Variants in EXOC6B observed in about 807,000 individuals in gnomAD.
EXOC6B encodes exocyst complex component 6B, also known as SEC15 homolog B.
EXOC6B carries 54 observed loss-of-function variants against 113.5 expected under a neutral mutation model. The ratio of observed to expected loss-of-function variants is 0.48; its 90% CI spans 0.38 to 0.60. The LOEUF is 0.60. Ranked by LOEUF, EXOC6B falls within the 20% of genes least tolerant of loss-of-function variation. EXOC6B has a pLI of 0.00. For synonymous variants in EXOC6B, 357 were observed against 339.0 expected (o/e 1.05, Z -0.58); for missense variants, 797 against 977.5 (o/e 0.82, Z 2.46).
At chr2:72,727,484 T>C (rs960288508) in intron 5 of EXOC6B, among the ~76,000 whole-genome samples, 1 of 152,172 alleles carries the variant, frequency 6.6e-6, no homozygotes, top group African/African-American at 2.4e-5. Context: ...CAACATGTGA[T>C]TTGAACTGGA....
intron 1 of EXOC6B, among the ~76,000 whole-genome samples, chr2:72,789,872 A>G (rs368547270): frequency 1.3e-5 from 2 of 152,200 alleles, no homozygotes; most frequent in Non-Finnish European, 2.9e-5. Flanking sequence ...GCAGGGGGGA[A>G]CTTGACACAC....
chr2:72,668,946 G>A (rs907861052), intron 6 of EXOC6B, among the ~76,000 whole-genome samples: 2 of 152,132 alleles, frequency 1.3e-5, no homozygotes, highest in Non-Finnish European at 2.9e-5. Context: ...AAATTGCTGG[G>A]TGTGGTGGCA....
chr2:72,192,633 A>G (rs1203628884), intron 20 of EXOC6B, among the ~76,000 whole-genome samples: 1 of 152,094 alleles, frequency 6.6e-6, no homozygotes, highest in Non-Finnish European at 1.5e-5. Flanking sequence ...TGGGAAGCAA[A>G]GGGTAGTATG....
intron 1 of EXOC6B, among the ~76,000 whole-genome samples, chr2:72,814,411 G>A (rs1686101445): frequency 6.6e-6 from 1 of 152,160 alleles, no homozygotes; most frequent in African/African-American, 2.4e-5. Context: ...AGTAACTGAA[G>A]GTAAATTCAT....
At chr2:72,443,640 C>T (rs1185368530) in intron 18 of EXOC6B, among the ~76,000 whole-genome samples, 1 of 151,978 alleles carries the variant, frequency 6.6e-6, no homozygotes, top group African/African-American at 2.4e-5. Context: ...GGCTGGGGAG[C>T]CCTCACAATC....
chr2:72,756,685 A>T (rs1682431229), intron 1 of EXOC6B, among the ~76,000 whole-genome samples: 1 of 152,182 alleles, frequency 6.6e-6, no homozygotes, highest in South Asian at 2.1e-4. Flanking sequence ...TTATTCCCCA[A>T]ATATAATCCT....
At chr2:72,477,599 C>T (rs1266075610) in intron 17 of EXOC6B, among the ~76,000 whole-genome samples, 1 of 152,184 alleles carries the variant, frequency 6.6e-6, no homozygotes, top group East Asian at 1.9e-4. Flanking sequence ...CAGATCATTA[C>T]CCCCCACAAC....
At chr2:72,569,650 G>T (rs1704404198) in intron 7 of EXOC6B, among the ~76,000 whole-genome samples, 1 of 152,012 alleles carries the variant, frequency 6.6e-6, no homozygotes, top group African/African-American at 2.4e-5. Context: ...GCAACCTCTG[G>T]TTTAAACTCT....
chr2:72,477,707 A>C (rs1698832947), intron 17 of EXOC6B, among the ~76,000 whole-genome samples: 1 of 152,200 alleles, frequency 6.6e-6, no homozygotes, highest in Non-Finnish European at 1.5e-5. Context: ...TGAATACTTC[A>C]TCTCTTATCG....
chr2:72,636,454 AAGG>A (rs1360432952), intron 6 of EXOC6B, among the ~76,000 whole-genome samples: 2 of 150,148 alleles, frequency 1.3e-5, no homozygotes, highest in Non-Finnish European at 3.0e-5. Flanking sequence ...AAGGAAGAAG[AAGG>A]AGGAGGAGGA....
intron 3 of EXOC6B, among the ~76,000 whole-genome samples, chr2:72,732,130 A>G (rs1210349558): frequency 6.6e-6 from 1 of 152,166 alleles, no homozygotes; most frequent in Non-Finnish European, 1.5e-5. Context: ...TATGTCAATC[A>G]ATAGAATCAA....
intron 6 of EXOC6B, among the ~76,000 whole-genome samples, chr2:72,582,145 A>T (rs545413999): frequency 6.6e-6 from 1 of 152,250 alleles, no homozygotes; most frequent in South Asian, 2.1e-4. Flanking sequence ...GGCCTTAGGG[A>T]AGGTGAAAGA....
At chr2:72,344,749 T>G (rs536968543) in intron 19 of EXOC6B, among the ~76,000 whole-genome samples, 1 of 152,144 alleles carries the variant, frequency 6.6e-6, no homozygotes, top group South Asian at 2.1e-4. Flanking sequence ...TCTCCAATTA[T>G]GCAGTTGCTT....
intron 18 of EXOC6B, 54 bp from the exon 19 acceptor site, chr2:72,379,924 T>A: frequency 6.8e-7 from 1 of 1,468,726 alleles, no homozygotes; most frequent in Non-Finnish European, 9.1e-7. Context: ...TAAATTAAAA[T>A]AAAATTTCAA....
At chr2:72,355,697 A>G (rs939577830) in intron 19 of EXOC6B, among the ~76,000 whole-genome samples, 1 of 152,210 alleles carries the variant, frequency 6.6e-6, no homozygotes, top group African/African-American at 2.4e-5. Context: ...AGAAAGAAGC[A>G]GCTTATTTTA....
intron 8 of EXOC6B, among the ~76,000 whole-genome samples, chr2:72,521,140 G>A (rs938394804): frequency 6.6e-6 from 1 of 152,150 alleles, no homozygotes; most frequent in African/African-American, 2.4e-5. Context: ...CTATAAAACA[G>A]TTTGAGGGAG....
At chr2:72,648,103 T>C (rs1417029617) in intron 6 of EXOC6B, among the ~76,000 whole-genome samples, 1 of 152,020 alleles carries the variant, frequency 6.6e-6, no homozygotes, top group Non-Finnish European at 1.5e-5. Flanking sequence ...AATAATCCCA[T>C]CAAAAAGTGG....
At chr2:72,209,875 C>A (rs557714140) in intron 20 of EXOC6B, among the ~76,000 whole-genome samples, 1 of 152,178 alleles carries the variant, frequency 6.6e-6, no homozygotes, top group African/African-American at 2.4e-5. Context: ...CAAGGACAAT[C>A]ATCAAGGCAG....
At chr2:72,785,033 A>G (rs977255364) in intron 1 of EXOC6B, among the ~76,000 whole-genome samples, 1 of 152,192 alleles carries the variant, frequency 6.6e-6, no homozygotes, top group Non-Finnish European at 1.5e-5. Context: ...CAAATGGGAG[A>G]AATTGGCCAA....
Sources: gnomAD v4.1 joint callset for allele counts (sites outside exome capture counted in the v4.1 genomes callset) on GRCh38, gnomAD v4.1.1 for gene constraint, MANE v1.5 for transcripts, NCBI Gene and HGNC (gene_info 2026-07-23, HGNC 2026-07-21) for gene names.